UBAP1: variants seen among roughly 807,000 people sequenced by gnomAD.
The protein encoded by UBAP1 is ubiquitin-associated protein 1.
UBAP1 carries 5 observed loss-of-function variants against 39.0 expected under a neutral mutation model. That is an observed-to-expected ratio of 0.13 (90% CI 0.07 to 0.27). UBAP1 has a LOEUF of 0.27. UBAP1 is among the 10% of genes least tolerant of loss of function. UBAP1 has a pLI of 1.00. For missense variants in UBAP1, 490 were observed against 608.1 expected (o/e 0.81, Z 2.04); for synonymous variants, 211 against 225.1 (o/e 0.94, Z 0.56).
At chr9:34,234,659 A>G (rs1210460518) in intron 3 of UBAP1, among the ~76,000 whole-genome samples, 1 of 152,056 alleles carries the variant, frequency 6.6e-6, no homozygotes, top group Admixed American at 6.6e-5. Context: ...ATATATTCCT[A>G]TCACATAGTG....
chr9:34,220,930 T>C lies in UBAP1; in HGVS notation c.16T>C (p.Leu6=). 2 of 1,613,522 alleles carry C rather than the reference T, an allele frequency of 1.2e-6. No individual in the cohort carries two copies. Among genetic ancestry groups the C allele is most frequent in the Admixed American group, 1.7e-5 (1 of 59,988 alleles). Residue 6 remains leucine (L), a synonymous_variant, in exon 2 of 7, where the codon TTG becomes CTG. Transcript: ENST00000297661. MASKK[L]GADFHGTFSY... ...CAGGTTCTAAATGGCTTCTAAGAAG[T>C]TGGGTGCAGATTTTCATGGTAAGTG...
intron 3 of UBAP1, among the ~76,000 whole-genome samples, chr9:34,238,469 A>G (rs1013131004): frequency 2.6e-5 from 4 of 152,182 alleles, no homozygotes; most frequent in Admixed American, 1.3e-4. Flanking sequence ...CAATTTTACA[A>G]TCCCAGCAGC....
At chr9:34,251,303 C>T (rs1834512379) in intron 6 of UBAP1, 89 bp from the exon 7 acceptor site, 1 of 1,403,734 alleles carries the variant, frequency 7.1e-7, no homozygotes, top group Admixed American at 1.8e-5. Context: ...CTGCTCTCCC[C>T]CAGTCCCCGT....
At chr9:34,193,589 C>G (rs991507863) in intron 1 of UBAP1, among the ~76,000 whole-genome samples, 1 of 152,176 alleles carries the variant, frequency 6.6e-6, no homozygotes, top group East Asian at 1.9e-4. Context: ...GGTGTTCCCA[C>G]GATCCCCTCT....
Position 34,220,959 on chromosome 9 carries a change from T to C in UBAP1, c.34+11T>C. 2 of 1,610,780 alleles carry C rather than the reference T, an allele frequency of 1.2e-6. No homozygotes were observed. Among genetic ancestry groups the C allele is most frequent in the Admixed American group, 3.3e-5 (2 of 59,966 alleles). ...GTGCAGATTTTCATGGTAAGTGGAC[T>C]ATTAGAATCATGGTTTAAGTTATGA... is the stretch of plus-strand genomic sequence containing the variant. On this transcript the variant is annotated intron_variant, in intron 2 of 6. Transcript: ENST00000297661.
Position 34,249,835 on chromosome 9 carries a change from G to T in UBAP1, c.1140G>T (p.Gln380His), listed in dbSNP as rs750652890. Residue 380 changes from glutamine to histidine, a missense_variant, in exon 5 of 7, where the codon CAG becomes CAT. Gln to His is a conservative substitution (Grantham distance 24). Around this residue, in one of 3 missense-constraint regions of UBAP1, gnomAD observed 339 missense variants for 390.0 expected, o/e 0.87. Coordinates refer to ENST00000297661, the MANE Select transcript of UBAP1 (RefSeq NM_016525.5). ...TGCCCAACATGCCCAGCTGTCCCCA[G>T]GCCTATTCTGAACTGCAGATGCTGT... ...SQVPNMPSCPQAYSELQMLSP... is the reference protein window; with the variant it reads ...SQVPNMPSCPHAYSELQMLSP... 1.2e-6 allele frequency: 2 copies of T among 1,614,058 alleles called. No individual in the cohort carries two copies.
At chr9:34,224,586 C>G (rs563235008) in intron 2 of UBAP1, 3 of 419,168 alleles carry the variant, frequency 7.2e-6, no homozygotes, top group East Asian at 4.8e-5. Context: ...CTCTTGCCCC[C>G]GGTCTTGCGG....
chr9:34,234,965 A>G (rs962885817), intron 3 of UBAP1, among the ~76,000 whole-genome samples: 5 of 152,192 alleles, frequency 3.3e-5, no homozygotes, highest in Non-Finnish European at 5.9e-5. Flanking sequence ...AGCTCCATGC[A>G]TGTATTGCTC....
chr9:34,202,674 TGTG>T, intron 1 of UBAP1, among the ~76,000 whole-genome samples: 1 of 143,764 alleles, frequency 7.0e-6, no homozygotes, highest in Non-Finnish European at 1.5e-5. Flanking sequence ...TGTGTGTGTG[TGTG>T]TCCCCGTCCC....
At position 34,195,927 on chromosome 9, in the gene UBAP1, G is replaced by GTTTTTTTTT. The variant is rs57040252; in HGVS notation, c.-8+16716_-8+16724dup. ...TTTGGATTTCTATACAAATTTTTTGGTTTTTTTTTTTTTTTTTTTTTTTTT... is the reference window on the plus strand; with the variant it reads ...TTTGGATTTCTATACAAATTTTTTGGTTTTTTTTTTTTTTTTTTTTTTTTTTTTTTTTTT... On this transcript the variant is annotated intron_variant, in intron 1 of 6. Coordinates refer to ENST00000297661, the MANE Select transcript of UBAP1 (RefSeq NM_016525.5). 1.7e-3 allele frequency among the ~76,000 whole-genome samples: 60 copies of GTTTTTTTTT among 36,158 alleles called. 16 individuals are homozygous for GTTTTTTTTT. Among genetic ancestry groups the GTTTTTTTTT allele is most frequent in the East Asian group, 3.0e-3 (3 of 984 alleles). 23.7% of individuals were successfully genotyped at this position (36,158 alleles called of 152,430 possible).
intron 1 of UBAP1, among the ~76,000 whole-genome samples, chr9:34,208,286 A>T (rs1433221505): frequency 6.6e-6 from 1 of 151,946 alleles, no homozygotes; most frequent in Non-Finnish European, 1.5e-5. Flanking sequence ...GTTTTTTGGC[A>T]CCAATATTAT....
At chr9:34,207,417 A>G (rs914320687) in intron 1 of UBAP1, among the ~76,000 whole-genome samples, 2 of 151,246 alleles carry the variant, frequency 1.3e-5, no homozygotes, top group Non-Finnish European at 2.9e-5. Flanking sequence ...AGAAAGAAAA[A>G]CATGGTACTT....
chr9:34,214,863 C>A (rs1438968844), intron 1 of UBAP1, among the ~76,000 whole-genome samples: 2 of 152,122 alleles, frequency 1.3e-5, no homozygotes, highest in African/African-American at 4.8e-5. Flanking sequence ...AGATGGCCAA[C>A]AAACATGAAA....
chr9:34,227,790 T>C (rs745882934), intron 2 of UBAP1, among the ~76,000 whole-genome samples: 1 of 152,180 alleles, frequency 6.6e-6, no homozygotes, highest in Non-Finnish European at 1.5e-5. Flanking sequence ...TAATAAGGAC[T>C]GAAACTAAAA....
intron 1 of UBAP1, among the ~76,000 whole-genome samples, chr9:34,215,744 T>C (rs1832274746): frequency 6.6e-6 from 1 of 151,776 alleles, no homozygotes; most frequent in African/African-American, 2.4e-5. Flanking sequence ...TGTGTACATA[T>C]ATATATGTAC....
At chr9:34,238,690 T>G (rs928555317) in intron 3 of UBAP1, among the ~76,000 whole-genome samples, 3 of 152,218 alleles carry the variant, frequency 2.0e-5, no homozygotes, top group Non-Finnish European at 4.4e-5. Context: ...AGAAGAGAGA[T>G]AGACCTACTT....
chr9:34,251,614 G>A lies in UBAP1; in HGVS notation c.*82G>A, dbSNP rs1050495369. 160 of 1,479,766 alleles carry A rather than the reference G, an allele frequency of 1.1e-4. No homozygotes were observed. Among genetic ancestry groups the A allele is most frequent in the Non-Finnish European group, 6.1e-5 (67 of 1,103,876 alleles). 91.7% of individuals were successfully genotyped at this position (1,479,766 alleles called of 1,614,324 possible). ...AGCCCACCTGTGGGGAAAGAGAAGGGGCAGCTTCCGGATTTTCTTTTGGGG... is the reference window on the plus strand; with the variant it reads ...AGCCCACCTGTGGGGAAAGAGAAGGAGCAGCTTCCGGATTTTCTTTTGGGG... On this transcript the variant is annotated 3_prime_UTR_variant, in exon 7 of 7. Coordinates refer to ENST00000297661, the MANE Select transcript of UBAP1 (RefSeq NM_016525.5).
At chr9:34,228,736 A>ATTTT (rs55715947) in intron 2 of UBAP1, among the ~76,000 whole-genome samples, 1 of 140,894 alleles carries the variant, frequency 7.1e-6, no homozygotes, top group Non-Finnish European at 1.5e-5. Context: ...TGCCTAGCTA[A>ATTTT]TTTTTTTTTT....
chr9:34,185,762 C>T (rs372446326), intron 1 of UBAP1, among the ~76,000 whole-genome samples: 5 of 152,108 alleles, frequency 3.3e-5, no homozygotes, highest in African/African-American at 1.2e-4. Flanking sequence ...AGGAGAATTG[C>T]TTGAACCTGG....
Sources: gnomAD v4.1 joint callset for allele counts (sites outside exome capture counted in the v4.1 genomes callset) on GRCh38, gnomAD v4.1.1 for gene constraint, gnomAD v4.1.1 regional missense constraint, MANE v1.5 for transcripts, NCBI Gene and HGNC (gene_info 2026-07-23, HGNC 2026-07-21) for gene names.